The following SYT9 variants were observed in gnomAD, a reference collection of about 807,000 sequenced individuals.
SYT9 encodes synaptotagmin 9.
A neutral mutation model predicts 48.4 loss-of-function variants in SYT9; 22 were observed. The observed-to-expected ratio is 0.45, with a 90% confidence interval of 0.32 to 0.65. The LOEUF (loss-of-function observed/expected upper bound fraction) is 0.65. SYT9 is among the 30% of genes least tolerant of loss of function. The pLI is 0.03. For missense variants in SYT9, 577 were observed against 622.0 expected, an observed-to-expected ratio of 0.93 and a Z score of 0.77; for synonymous variants, 265 against 245.0, an observed-to-expected ratio of 1.08 and a Z score of -0.76.
At chr11:7,254,188 G>A (rs1402680544) in intron 1 of SYT9, among the ~76,000 whole-genome samples, 3 of 152,130 alleles carry the variant, frequency 2.0e-5, no homozygotes, top group Non-Finnish European at 4.4e-5. Flanking sequence ...GATAGGAGTC[G>A]ACCTTGCTGC....
At chr11:7,420,097 T>G (rs1469010447) in intron 5 of SYT9, among the ~76,000 whole-genome samples, 1 of 152,176 alleles carries the variant, frequency 6.6e-6, no homozygotes, top group Non-Finnish European at 1.5e-5. Flanking sequence ...GACCCATGGC[T>G]GCCAGACACA....
At chr11:7,265,668 C>CTTTTT (rs386353084) in intron 1 of SYT9, among the ~76,000 whole-genome samples, 2 of 145,002 alleles carry the variant, frequency 1.4e-5, no homozygotes, top group Non-Finnish European at 1.5e-5. Flanking sequence ...ATCATGGATT[C>CTTTTT]TTTTTTTTTT....
intron 3 of SYT9, among the ~76,000 whole-genome samples, chr11:7,381,307 A>G (rs1444562332): frequency 6.6e-6 from 1 of 152,230 alleles, no homozygotes; most frequent in Non-Finnish European, 1.5e-5. Flanking sequence ...TAATGAATCT[A>G]TTGGGACACA....
chr11:7,268,200 G>T (rs1325522892), intron 1 of SYT9, among the ~76,000 whole-genome samples: 1 of 151,928 alleles, frequency 6.6e-6, no homozygotes, highest in Non-Finnish European at 1.5e-5. Context: ...TTTTCAGTGA[G>T]CACAAGAATT....
intron 3 of SYT9, among the ~76,000 whole-genome samples, chr11:7,323,373 G>C (rs1369744563): frequency 6.6e-6 from 1 of 151,902 alleles, no homozygotes; most frequent in Non-Finnish European, 1.5e-5. Context: ...TTTGAGTTTT[G>C]TACATTCACA....
intron 1 of SYT9, among the ~76,000 whole-genome samples, chr11:7,290,125 A>G (rs953893713): frequency 6.6e-6 from 1 of 152,236 alleles, no homozygotes; most frequent in African/African-American, 2.4e-5. Flanking sequence ...TTTTAACCAC[A>G]GACAAGGGTT....
At chr11:7,407,906 A>G (rs1361855039) in intron 3 of SYT9, among the ~76,000 whole-genome samples, 5 of 152,178 alleles carry the variant, frequency 3.3e-5, no homozygotes, top group African/African-American at 1.2e-4. Flanking sequence ...TTATACCAAT[A>G]CTATGTTGTT....
At chr11:7,244,835 G>C (rs118141238) in intron 1 of SYT9, among the ~76,000 whole-genome samples, 1 of 152,202 alleles carries the variant, frequency 6.6e-6, no homozygotes, top group Non-Finnish European at 1.5e-5. Context: ...CAGCATGAAA[G>C]ATTTATGGGA....
intron 1 of SYT9, among the ~76,000 whole-genome samples, chr11:7,242,950 G>A (rs565063790): frequency 1.3e-5 from 2 of 152,252 alleles, no homozygotes; most frequent in South Asian, 4.1e-4. Flanking sequence ...GCAGGCTGAG[G>A]CGGGAGAATT....
At chr11:7,412,038 G>T (rs954503176) in intron 3 of SYT9, among the ~76,000 whole-genome samples, 1 of 151,830 alleles carries the variant, frequency 6.6e-6, no homozygotes, top group Non-Finnish European at 1.5e-5. Context: ...CTTCAGTTCC[G>T]GAATTTATGT....
chr11:7,313,256 G>T, intron 2 of SYT9, 139 bp from the exon 3 acceptor site: 2 of 812,382 alleles, frequency 2.5e-6, no homozygotes, highest in Non-Finnish European at 3.7e-6. Context: ...TTGAATTTAG[G>T]CCACACACAC....
chr11:7,343,263 C>A (rs1849744553), intron 3 of SYT9, among the ~76,000 whole-genome samples: 1 of 152,170 alleles, frequency 6.6e-6, no homozygotes, highest in Non-Finnish European at 1.5e-5. Context: ...TTTTCTATTG[C>A]ATGGTCAGGC....
chr11:7,433,069 C>A (rs1847641658), intron 6 of SYT9, among the ~76,000 whole-genome samples: 1 of 152,094 alleles, frequency 6.6e-6, no homozygotes. Context: ...CTTGGTGCTA[C>A]CCTCATGCTA....
At chr11:7,317,991 T>G (rs898670809) in intron 3 of SYT9, among the ~76,000 whole-genome samples, 1 of 152,224 alleles carries the variant, frequency 6.6e-6, no homozygotes, top group Admixed American at 6.5e-5. Flanking sequence ...CCCTCTCTGG[T>G]ATTTGGATTT....
At chr11:7,401,865 C>A (rs1846899572) in intron 3 of SYT9, among the ~76,000 whole-genome samples, 1 of 151,258 alleles carries the variant, frequency 6.6e-6, no homozygotes, top group Non-Finnish European at 1.5e-5. Context: ...TTTATTATTT[C>A]TTTCCTTATA....
chr11:7,417,401 C>CTG (rs1001606329), intron 4 of SYT9, among the ~76,000 whole-genome samples: 3 of 152,170 alleles, frequency 2.0e-5, no homozygotes, highest in Non-Finnish European at 4.4e-5. Flanking sequence ...CCAAGGAAGC[C>CTG]TGTGGCCTTT....
chr11:7,240,885 G>T (rs566327223), intron 1 of SYT9, among the ~76,000 whole-genome samples: 1 of 152,054 alleles, frequency 6.6e-6, no homozygotes, highest in Non-Finnish European at 1.5e-5. Flanking sequence ...AACTTGATGG[G>T]TTTTCCTTCC....
At chr11:7,367,754 T>G (rs544103308) in intron 3 of SYT9, among the ~76,000 whole-genome samples, 1 of 146,812 alleles carries the variant, frequency 6.8e-6, no homozygotes, top group Admixed American at 6.8e-5. Flanking sequence ...ATACAAAATG[T>G]TTTTCCACTG....
At chr11:7,313,113 A>C (rs1227133619) in intron 2 of SYT9, among the ~76,000 whole-genome samples, 1 of 152,252 alleles carries the variant, frequency 6.6e-6, no homozygotes, top group Non-Finnish European at 1.5e-5. Context: ...TTAATGGCAT[A>C]TTAGACAGTT....
Sources: gnomAD v4.1 joint callset for allele counts (sites outside exome capture counted in the v4.1 genomes callset) on GRCh38, gnomAD v4.1.1 for gene constraint, MANE v1.5 for transcripts, NCBI Gene and HGNC (gene_info 2026-07-23, HGNC 2026-07-21) for gene names.